The following AGMO variants were observed in gnomAD, a reference collection of about 807,000 sequenced individuals.
The protein encoded by AGMO is alkylglycerol monooxygenase.
Under a neutral mutation model 60.2 loss-of-function variants are expected in AGMO, and 75 were observed. That is an observed-to-expected ratio of 1.25 (90% CI 1.03 to 1.51). The LOEUF is 1.51. AGMO is among the 40% of genes most tolerant of loss of function. The pLI is 0.00. For synonymous variants in AGMO, 261 were observed against 177.1 expected (o/e 1.47, Z -3.76); for missense variants, 763 against 525.5 (o/e 1.45, Z -4.42).
intron 12 of AGMO, among the ~76,000 whole-genome samples, chr7:15,293,518 T>C (rs1164652406): frequency 6.6e-6 from 1 of 152,070 alleles, no homozygotes; most frequent in Non-Finnish European, 1.5e-5. Flanking sequence ...CACCAACCTA[T>C]AATTTATGTA....
chr7:15,525,366 G>T (rs560449995), intron 3 of AGMO, among the ~76,000 whole-genome samples: 3 of 152,068 alleles, frequency 2.0e-5, no homozygotes, highest in African/African-American at 7.2e-5. Flanking sequence ...TCCTCTGATT[G>T]ATCCCCACCC....
intron 10 of AGMO, among the ~76,000 whole-genome samples, chr7:15,374,595 AAAC>A (rs1263851946): frequency 7.9e-6 from 1 of 127,094 alleles, no homozygotes; most frequent in Non-Finnish European, 1.8e-5. Flanking sequence ...CTGGAAAAAC[AAAC>A]AATAGCAATA....
At chr7:15,356,222 A>G (rs1025305406) in intron 12 of AGMO, among the ~76,000 whole-genome samples, 9 of 152,206 alleles carry the variant, frequency 5.9e-5, no homozygotes, top group African/African-American at 2.2e-4. Flanking sequence ...GAGAAACTCT[A>G]CATACATGCA....
Position 15,544,772 on chromosome 7 carries a change from C to T in AGMO, c.409G>A (p.Glu137Lys), listed in dbSNP as rs774810192. 1.3e-6 allele frequency: 2 copies of T among 1,591,880 alleles called. No homozygotes were observed. Among genetic ancestry groups the T allele is most frequent in the South Asian group, 2.3e-5 (2 of 87,270 alleles). Reference sequence around the variant, plus strand: ...CAAAAAGTCCTCATTTGCAGCTTACCATGAGCCATACGATGGAACCAGTAG... The same window carrying T: ...CAAAAAGTCCTCATTTGCAGCTTACTATGAGCCATACGATGGAACCAGTAG... The part of the protein sequence containing the change: ...GYYWFHRMAH[E>K]VNIMWAGHQT... The change falls in exon 3 of 13, where the codon GAA becomes AAA. Residue 137 changes from glutamate (E) to lysine (K), a missense_variant and splice_region_variant. Glu to Lys is a moderately conservative substitution (Grantham distance 56, BLOSUM62 1). Transcript: ENST00000342526.
At chr7:15,392,198 T>C (rs868700623) in intron 6 of AGMO, among the ~76,000 whole-genome samples, 5 of 151,826 alleles carry the variant, frequency 3.3e-5, no homozygotes, top group African/African-American at 1.2e-4. Flanking sequence ...GCCTCCCGAG[T>C]AGCTGCGACC....
intron 10 of AGMO, among the ~76,000 whole-genome samples, chr7:15,380,932 A>G (rs993626356): frequency 5.9e-5 from 9 of 152,190 alleles, no homozygotes; most frequent in African/African-American, 1.9e-4. Context: ...GCAATGGGGA[A>G]AGGATTCCCT....
At chr7:15,494,372 TTAAAG>T (rs1783164664) in intron 3 of AGMO, among the ~76,000 whole-genome samples, 1 of 152,224 alleles carries the variant, frequency 6.6e-6, no homozygotes, top group Admixed American at 6.5e-5. Flanking sequence ...CATGCTACAA[TTAAAG>T]TAATTACTTC....
intron 5 of AGMO, among the ~76,000 whole-genome samples, chr7:15,403,953 G>A (rs898062918): frequency 6.6e-6 from 1 of 151,860 alleles, no homozygotes; most frequent in African/African-American, 2.4e-5. Flanking sequence ...TTGAAATGCT[G>A]GACAAATGCT....
chr7:15,121,687 G>T, the AGMO span, among the ~76,000 whole-genome samples: 1 of 152,172 alleles, frequency 6.6e-6, no homozygotes, highest in Admixed American at 6.5e-5. Context: ...ACTACGGAAG[G>T]CTACAGTAAC....
chr7:15,341,437 CTCTA>C (rs1350731479), intron 12 of AGMO, among the ~76,000 whole-genome samples: 8 of 152,318 alleles, frequency 5.3e-5, no homozygotes, highest in Middle Eastern at 3.4e-3. Context: ...AGTTCCTCAT[CTCTA>C]TCTGAGACCA....
chr7:15,355,011 T>G (rs183044006), intron 12 of AGMO, among the ~76,000 whole-genome samples: 4 of 152,186 alleles, frequency 2.6e-5, no homozygotes, highest in African/African-American at 7.2e-5. Flanking sequence ...AAATGATAAA[T>G]ATTTGGCCTA....
At chr7:15,371,495 A>C (rs1235575738) in intron 10 of AGMO, among the ~76,000 whole-genome samples, 1 of 152,056 alleles carries the variant, frequency 6.6e-6, no homozygotes, top group Non-Finnish European at 1.5e-5. Context: ...GGTTCAAGCA[A>C]TTCACCTGCC....
chr7:15,202,842 T>TG (rs1781334950), intron 12 of AGMO, among the ~76,000 whole-genome samples: 1 of 151,936 alleles, frequency 6.6e-6, no homozygotes, highest in South Asian at 2.1e-4. Flanking sequence ...AATACTGCGC[T>TG]GGGGGGAGTA....
At chr7:15,327,157 C>T (rs749664899) in intron 12 of AGMO, among the ~76,000 whole-genome samples, 8 of 152,154 alleles carry the variant, frequency 5.3e-5, no homozygotes, top group Non-Finnish European at 1.2e-4. Flanking sequence ...GAACAGGCAT[C>T]ATAACCTGGC....
At chr7:15,522,443 C>A (rs1784022411) in intron 3 of AGMO, among the ~76,000 whole-genome samples, 1 of 152,158 alleles carries the variant, frequency 6.6e-6, no homozygotes, top group Admixed American at 6.5e-5. Context: ...TACCTGACTT[C>A]AAACTATACT....
At chr7:15,320,418 C>G (rs976591813) in intron 12 of AGMO, among the ~76,000 whole-genome samples, 3 of 151,664 alleles carry the variant, frequency 2.0e-5, no homozygotes, top group African/African-American at 7.3e-5. Context: ...TTTCTCATAC[C>G]AAATTCTGTA....
intron 12 of AGMO, among the ~76,000 whole-genome samples, chr7:15,262,075 G>T (rs1783289595): frequency 6.6e-6 from 1 of 151,542 alleles, no homozygotes; most frequent in Non-Finnish European, 1.5e-5. Flanking sequence ...TTCCCCCTGA[G>T]AAAAGAATGT....
chr7:15,432,644 G>A (rs1033537419), intron 3 of AGMO, among the ~76,000 whole-genome samples: 28 of 151,770 alleles, frequency 1.8e-4, no homozygotes, highest in Admixed American at 1.8e-3. Context: ...ATCAACCACA[G>A]CAGATATGTA....
intron 12 of AGMO, among the ~76,000 whole-genome samples, chr7:15,281,240 C>A (rs2128518709): frequency 6.6e-6 from 1 of 152,270 alleles, no homozygotes; most frequent in African/African-American, 2.4e-5. Context: ...AATAGTCAGG[C>A]AGCCCTGATG....
Sources: allele counts gnomAD v4.1 joint callset (sites outside exome capture counted in the v4.1 genomes callset), GRCh38; gene constraint gnomAD v4.1.1; transcripts MANE v1.5; gene names NCBI Gene and HGNC (gene_info 2026-07-23, HGNC 2026-07-21).